DBT: variants seen among roughly 807,000 people sequenced by gnomAD.
DBT encodes the protein lipoamide acyltransferase component of branched-chain alpha-keto acid dehydrogenase complex, mitochondrial.
In DBT, 40 loss-of-function variants were observed where a neutral mutation model predicts 51.3. That is an observed-to-expected ratio of 0.78 (90% CI 0.61 to 1.02). The LOEUF is 1.02. Ranked by LOEUF, DBT falls within the 50% of genes least tolerant of loss-of-function variation. DBT has a pLI of 0.00. For missense variants in DBT, 510 were observed against 580.2 expected, an observed-to-expected ratio of 0.88 and a Z score of 1.24; for synonymous variants, 181 against 190.4, an observed-to-expected ratio of 0.95 and a Z score of 0.41.
At chr1:100,207,160 C>T (rs887950324) in intron 8 of DBT, among the ~76,000 whole-genome samples, 1 of 152,164 alleles carries the variant, frequency 6.6e-6, no homozygotes, top group African/African-American at 2.4e-5. Context: ...GTAACTGGTA[C>T]AGGTTGAGCA....
Position 100,226,834 on chromosome 1 carries a change from G to C in DBT, c.433+3899C>G, listed in dbSNP as rs1433856432. ...GAACACATAGGAGCCAGGTTGAAGG[G>C]GTCACCACTACAATGATTTGAGCAT... On this transcript the variant is annotated intron_variant, in intron 4 of 10. Coordinates refer to ENST00000370132, the MANE Select transcript of DBT (RefSeq NM_001918.5). Among the ~76,000 whole-genome samples, 3 of 152,044 alleles carry C rather than the reference G, an allele frequency of 2.0e-5. No individual in the cohort carries two copies. The East Asian group carries it at 5.8e-4, about 29-fold the overall frequency.
In DBT at chr1:100,228,774, A is replaced by C. The variant is rs571034485; in HGVS notation, c.433+1959T>G. On this transcript the variant is annotated intron_variant, in intron 4 of 10. Coordinates refer to ENST00000370132, the MANE Select transcript of DBT (RefSeq NM_001918.5). ...GACTCTGTCTCAAACAAACAAAAAA[A>C]TAAAATTGAAATGTACTGTCATGAA... Among the ~76,000 whole-genome samples, 3 of 152,304 alleles carry C rather than the reference A, an allele frequency of 2.0e-5. No individual in the cohort carries two copies. The East Asian group carries it at 5.8e-4, about 29-fold the overall frequency.
At chr1:100,242,115 G>A (rs1664259211) in intron 1 of DBT, among the ~76,000 whole-genome samples, 1 of 151,720 alleles carries the variant, frequency 6.6e-6, no homozygotes, top group African/African-American at 2.4e-5. Flanking sequence ...TTAAAGCCCT[G>A]AGCTTACTTC....
At chr1:100,205,750 T>C (rs766995037) in intron 10 of DBT, among the ~76,000 whole-genome samples, 28 of 152,164 alleles carry the variant, frequency 1.8e-4, no homozygotes, top group Non-Finnish European at 3.7e-4. Context: ...GTGGCACATA[T>C]ACACCATGGA....
chr1:100,220,490 A>G (rs1570822832), intron 4 of DBT, among the ~76,000 whole-genome samples: 1 of 152,314 alleles, frequency 6.6e-6, no homozygotes, highest in African/African-American at 2.4e-5. Context: ...TAGTCTATTC[A>G]TTCCTCTTTA....
At chr1:100,221,532 G>A (rs4385734) in intron 4 of DBT, among the ~76,000 whole-genome samples, 120,813 of 151,972 alleles carry the variant, frequency 0.79, 49,388 homozygotes, top group East Asian at 0.95. Flanking sequence ...ATGTAGAAAC[G>A]GACTCTAAGG....
chr1:100,210,550 C>A, intron 8 of DBT, 144 bp downstream of exon 8: 1 of 1,112,486 alleles, frequency 9.0e-7, no homozygotes, highest in Non-Finnish European at 1.3e-6. Context: ...ATGAATTAGA[C>A]TTAAGTTTAA....
At position 100,189,209 on chromosome 1, in the gene DBT, T is replaced by G. The variant is rs1660701929; in HGVS notation, c.*7046A>C. 6.6e-6 allele frequency: 1 copy of G among 152,018 alleles called. No homozygotes were observed. Among genetic ancestry groups the G allele is most frequent in the Non-Finnish European group, 1.5e-5 (1 of 68,086 alleles). The allele number at this position is 152,018 out of a possible 1,614,324, so 9.4% of individuals were successfully genotyped here. On this transcript the variant is annotated 3_prime_UTR_variant, in exon 11 of 11. Coordinates refer to ENST00000370132, the MANE Select transcript of DBT (RefSeq NM_001918.5). ...TAGAAAAATTAGCCAGGCGTGATGG[T>G]GCATGCCTGTAATCTCAGCTACTTG...
At chr1:100,231,804 A>C (rs531866288) in intron 3 of DBT, among the ~76,000 whole-genome samples, 1 of 152,356 alleles carries the variant, frequency 6.6e-6, no homozygotes, top group East Asian at 1.9e-4. Context: ...AAAGGCTTGC[A>C]ACAACTGAGA....
intron 2 of DBT, among the ~76,000 whole-genome samples, chr1:100,239,594 C>T (rs567003620): frequency 1.6e-4 from 25 of 151,914 alleles, no homozygotes; most frequent in African/African-American, 5.6e-4. Context: ...CATGGAAGGC[C>T]GGTGCAGGGC....
chr1:100,208,308 T>C (rs565758019), intron 8 of DBT, among the ~76,000 whole-genome samples: 23 of 152,324 alleles, frequency 1.5e-4, no homozygotes, highest in African/African-American at 5.3e-4. Flanking sequence ...TATGCAAATA[T>C]TCCATAATCC....
chr1:100,227,093 C>G (rs190867029), intron 4 of DBT, among the ~76,000 whole-genome samples: 3 of 152,214 alleles, frequency 2.0e-5, no homozygotes, highest in Admixed American at 1.3e-4. Flanking sequence ...TGTTATTGTC[C>G]TGAATATTGT....
At chr1:100,207,436 A>C (rs1471468939) in intron 8 of DBT, among the ~76,000 whole-genome samples, 1 of 152,190 alleles carries the variant, frequency 6.6e-6, no homozygotes, top group African/African-American at 2.4e-5. Context: ...TTTTGTCCTT[A>C]AACATTATGC....
chr1:100,240,647 G>C (rs547230236), intron 2 of DBT, 114 bp downstream of exon 2: 1 of 860,654 alleles, frequency 1.2e-6, no homozygotes, highest in African/African-American at 1.7e-5. Flanking sequence ...GGCCCGGCTA[G>C]AAATACAGAG....
At chr1:100,225,025 A>C (rs1187317111) in intron 4 of DBT, among the ~76,000 whole-genome samples, 1 of 77,196 alleles carries the variant, frequency 1.3e-5, no homozygotes, top group African/African-American at 5.6e-5. Flanking sequence ...CTCCCCCCAA[A>C]AAAAAAAAAA....
At chr1:100,245,874 C>T (rs1188736144) in intron 1 of DBT, among the ~76,000 whole-genome samples, 1 of 152,086 alleles carries the variant, frequency 6.6e-6, no homozygotes, top group Admixed American at 6.6e-5. Flanking sequence ...ACCACTTGAG[C>T]CCAGGAGGTC....
intron 1 of DBT, among the ~76,000 whole-genome samples, chr1:100,246,961 T>C (rs1193962880): frequency 1.3e-5 from 2 of 152,168 alleles, no homozygotes; most frequent in African/African-American, 4.8e-5. Flanking sequence ...CAAGAGTCTT[T>C]AAAGCAGAGG....
At position 100,194,306 on chromosome 1, in the gene DBT, T is replaced by C. The variant is rs1406528925; in HGVS notation, c.*1949A>G. The C allele has an allele frequency of 6.6e-6, 1 of 152,002 alleles. No individual in the cohort carries two copies. The highest frequency in any genetic ancestry group is 1.5e-5 in the Non-Finnish European group (1 of 68,090). 9.4% of individuals were successfully genotyped at this position (152,002 alleles called of 1,614,324 possible). A position where few individuals can be genotyped will look rare whatever the true frequency, so the allele number is the denominator to read the frequency against. On this transcript the variant is annotated 3_prime_UTR_variant, in exon 11 of 11. Transcript: ENST00000370132. ...TCTCAGCTTCCTGAGTAGCTGGGACTATAGGTGCACACCACCACACTTGGC... is the reference window on the plus strand; with the variant it reads ...TCTCAGCTTCCTGAGTAGCTGGGACCATAGGTGCACACCACCACACTTGGC...
At chr1:100,211,260 A>G (rs1262954781) in intron 7 of DBT, 3 of 643,686 alleles carry the variant, frequency 4.7e-6, no homozygotes, top group Non-Finnish European at 5.7e-6. Context: ...AAGGGCAGAG[A>G]TGTCCTGAAC....
Sources: gnomAD v4.1 joint callset for allele counts (sites outside exome capture counted in the v4.1 genomes callset) on GRCh38, gnomAD v4.1.1 for gene constraint, MANE v1.5 for transcripts, NCBI Gene and HGNC (gene_info 2026-07-23, HGNC 2026-07-21) for gene names.